ATP8A2: variants seen among roughly 807,000 people sequenced by gnomAD.
ATP8A2 encodes ATPase phospholipid transporting 8A2, also known as phospholipid-transporting ATPase IB.
A neutral mutation model predicts 165.6 loss-of-function variants in ATP8A2; 100 were observed. The ratio of observed to expected loss-of-function variants is 0.60; its 90% CI spans 0.51 to 0.71. The LOEUF is 0.71. ATP8A2 is among the 30% of genes least tolerant of loss of function. The pLI, the probability that ATP8A2 is intolerant of heterozygous loss-of-function variation, is 0.00. For synonymous variants in ATP8A2, 543 were observed against 548.8 expected, an observed-to-expected ratio of 0.99 and a Z score of 0.15; for missense variants, 1,227 against 1,479.5, an observed-to-expected ratio of 0.83 and a Z score of 2.80.
chr13:25,986,272 T>G (rs556728916), intron 35 of ATP8A2, among the ~76,000 whole-genome samples: 1 of 152,358 alleles, frequency 6.6e-6, no homozygotes, highest in Admixed American at 6.5e-5. Flanking sequence ...AATACATTAT[T>G]ATTAACTATA....
In ATP8A2 at chr13:25,403,392, G is replaced by T. The variant is rs11842428; in HGVS notation, c.76+31104G>T. On this transcript the variant is annotated intron_variant, in intron 1 of 36. Coordinates refer to ENST00000381655, the MANE Select transcript of ATP8A2 (RefSeq NM_016529.6). ...CCCAGATGGGTTTGCCTGGGAAAATGGTTGTTCCCAGGCCAGTCCAGCTTA... is the reference window on the plus strand; with the variant it reads ...CCCAGATGGGTTTGCCTGGGAAAATTGTTGTTCCCAGGCCAGTCCAGCTTA... 7.2e-3 allele frequency among the ~76,000 whole-genome samples: 1,093 copies of T among 152,276 alleles called. 7 individuals are homozygous for T. Among genetic ancestry groups the T allele is most frequent in the African/African-American group, 0.024 (1,011 of 41,562 alleles).
At chr13:25,811,343 A>T (rs1950862240) in intron 27 of ATP8A2, among the ~76,000 whole-genome samples, 2 of 152,176 alleles carry the variant, frequency 1.3e-5, no homozygotes, top group African/African-American at 4.8e-5. Flanking sequence ...GATTTATATA[A>T]TGTCTTGGGA....
At chr13:25,799,501 C>T (rs967979635) in intron 27 of ATP8A2, among the ~76,000 whole-genome samples, 2 of 152,160 alleles carry the variant, frequency 1.3e-5, no homozygotes, top group Non-Finnish European at 2.9e-5. Flanking sequence ...CACATGCAGC[C>T]GCTTCCCAGA....
At chr13:25,803,927 T>C (rs1195798160) in intron 27 of ATP8A2, among the ~76,000 whole-genome samples, 2 of 152,196 alleles carry the variant, frequency 1.3e-5, no homozygotes, top group Non-Finnish European at 2.9e-5. Context: ...CACATTTGCT[T>C]AACTTATTTT....
chr13:25,499,341 T>G (rs897160860), intron 2 of ATP8A2, among the ~76,000 whole-genome samples: 2 of 152,186 alleles, frequency 1.3e-5, no homozygotes, highest in East Asian at 3.8e-4. Context: ...AATGCCTAGT[T>G]CTGAATCTGT....
intron 4 of ATP8A2, among the ~76,000 whole-genome samples, chr13:25,531,263 A>ATATATATGT (rs1555291099): frequency 1.4e-3 from 116 of 85,470 alleles, no homozygotes; most frequent in Non-Finnish European, 1.8e-3. Context: ...GATATATATG[A>ATATATATGT]TATATATGAT....
At chr13:25,810,987 T>C (rs217891) in intron 27 of ATP8A2, among the ~76,000 whole-genome samples, 150,428 of 152,216 alleles carry the variant, frequency 0.99, 74,348 homozygotes, top group East Asian at 1. Context: ...CTGTGAATTT[T>C]GTCCATGATG....
intron 1 of ATP8A2, among the ~76,000 whole-genome samples, chr13:25,397,064 G>A (rs914977471): frequency 1.3e-5 from 2 of 152,200 alleles, no homozygotes; most frequent in African/African-American, 4.8e-5. Flanking sequence ...TGTTTTCGCT[G>A]AGTTAAATAA....
chr13:25,975,703 G>A (rs538164422), intron 35 of ATP8A2, among the ~76,000 whole-genome samples: 3 of 152,036 alleles, frequency 2.0e-5, no homozygotes, highest in African/African-American at 7.2e-5. Context: ...ATCAAGATTC[G>A]GCCAGAACTG....
chr13:25,757,753 C>A (rs942225953), intron 25 of ATP8A2, among the ~76,000 whole-genome samples: 2 of 152,130 alleles, frequency 1.3e-5, no homozygotes, highest in Admixed American at 6.5e-5. Flanking sequence ...GTGTTCCTGA[C>A]CCCCAAACCC....
chr13:25,898,927 T>G (rs1953651014), intron 33 of ATP8A2, among the ~76,000 whole-genome samples: 1 of 152,214 alleles, frequency 6.6e-6, no homozygotes, highest in Non-Finnish European at 1.5e-5. Context: ...GTGCTGTTTG[T>G]CACCCCTTTC....
chr13:25,400,430 G>A (rs2033601008), intron 1 of ATP8A2, among the ~76,000 whole-genome samples: 2 of 152,128 alleles, frequency 1.3e-5, no homozygotes, highest in South Asian at 2.1e-4. Flanking sequence ...GCGAGTGTTT[G>A]TTACCTGCAT....
chr13:25,911,000 T>A (rs1431241880), intron 33 of ATP8A2, among the ~76,000 whole-genome samples: 1 of 151,990 alleles, frequency 6.6e-6, no homozygotes, highest in African/African-American at 2.4e-5. Flanking sequence ...AGAGGGGTCT[T>A]TTTAAAATTA....
intron 33 of ATP8A2, among the ~76,000 whole-genome samples, chr13:25,867,417 G>A (rs551501451): frequency 6.6e-6 from 1 of 152,286 alleles, no homozygotes; most frequent in East Asian, 1.9e-4. Flanking sequence ...AAGTTGGGGT[G>A]ATGTCAAGTA....
chr13:25,968,756 T>C lies in ATP8A2; in HGVS notation c.3377+77T>C. On this transcript the variant is annotated intron_variant, in intron 35 of 36. Transcript: ENST00000381655. ...TCCCTTATTCCTTCCTGTATTTCTT[T>C]TTCTCATCTTGGTTTTCGATGGGAG... 3.2e-6 allele frequency: 4 copies of C among 1,237,274 alleles called. No homozygotes were observed. The East Asian group carries it at 9.7e-5, about 30-fold the overall frequency. 76.6% of individuals were successfully genotyped at this position (1,237,274 alleles called of 1,614,324 possible).
intron 27 of ATP8A2, among the ~76,000 whole-genome samples, chr13:25,817,863 T>C (rs974490673): frequency 6.6e-6 from 1 of 152,024 alleles, no homozygotes; most frequent in East Asian, 1.9e-4. Context: ...AAAATTTTTG[T>C]AGAGACAGGG....
intron 11 of ATP8A2, among the ~76,000 whole-genome samples, chr13:25,553,420 T>C (rs1029187661): frequency 2.6e-5 from 4 of 152,238 alleles, no homozygotes; most frequent in African/African-American, 9.6e-5. Flanking sequence ...CTTAGTGAGC[T>C]TGTAGGTGTT....
intron 1 of ATP8A2, among the ~76,000 whole-genome samples, chr13:25,451,059 C>CT (rs2035211203): frequency 6.6e-6 from 1 of 152,098 alleles, no homozygotes; most frequent in Non-Finnish European, 1.5e-5. Flanking sequence ...TCTCTAACCC[C>CT]TTTTTCCCTT....
chr13:25,795,999 G>C (rs1950491760), intron 27 of ATP8A2, among the ~76,000 whole-genome samples: 1 of 151,400 alleles, frequency 6.6e-6, no homozygotes, highest in Non-Finnish European at 1.5e-5. Flanking sequence ...ACCCAGGCTG[G>C]AGTGCAGTAG....
Sources: allele counts gnomAD v4.1 joint callset (sites outside exome capture counted in the v4.1 genomes callset), GRCh38; gene constraint gnomAD v4.1.1; transcripts MANE v1.5; gene names NCBI Gene and HGNC (gene_info 2026-07-23, HGNC 2026-07-21).